Variants in DENND5B observed in about 807,000 individuals in gnomAD.
DENND5B encodes the protein DENN domain-containing protein 5B.
A neutral mutation model predicts 140.6 loss-of-function variants in DENND5B; 34 were observed. The ratio of observed to expected loss-of-function variants is 0.24; its 90% CI spans 0.18 to 0.32. The LOEUF is 0.32. Among genes scored for constraint, DENND5B ranks in the 10% least tolerant of loss-of-function variants. The pLI is 1.00. For missense variants in DENND5B, 1,142 were observed against 1,560.2 expected, an observed-to-expected ratio of 0.73 and a Z score of 4.52; for synonymous variants, 551 against 562.1, an observed-to-expected ratio of 0.98 and a Z score of 0.28.
At chr12:31,471,576 T>C (rs1760346336) in intron 3 of DENND5B, among the ~76,000 whole-genome samples, 1 of 148,802 alleles carries the variant, frequency 6.7e-6, no homozygotes, top group Non-Finnish European at 1.5e-5. Context: ...AGTTTCACCA[T>C]GTTGGCCAGG....
chr12:31,533,648 G>C (rs1948375495), intron 1 of DENND5B, among the ~76,000 whole-genome samples: 1 of 152,216 alleles, frequency 6.6e-6, no homozygotes, highest in African/African-American at 2.4e-5. Context: ...AAAGCAGTTG[G>C]ATGGCAGATA....
At chr12:31,439,073 CTTG>C (rs952787834) in intron 7 of DENND5B, among the ~76,000 whole-genome samples, 5 of 152,222 alleles carry the variant, frequency 3.3e-5, no homozygotes, top group East Asian at 1.9e-4. Flanking sequence ...CATTCCTGGT[CTTG>C]TTAAGTAATT....
chr12:31,408,182 T>C (rs1254412876), intron 14 of DENND5B, among the ~76,000 whole-genome samples: 4 of 150,700 alleles, frequency 2.7e-5, no homozygotes, highest in Non-Finnish European at 5.9e-5. Flanking sequence ...TATATACAGA[T>C]GTGTGATTTG....
At chr12:31,489,531 T>C (rs564447047) in intron 2 of DENND5B, among the ~76,000 whole-genome samples, 1 of 152,278 alleles carries the variant, frequency 6.6e-6, no homozygotes, top group Admixed American at 6.5e-5. Flanking sequence ...GGTTTTGCAG[T>C]GGAGGTCACA....
At chr12:31,390,232 A>T (rs1941053645) in intron 19 of DENND5B, among the ~76,000 whole-genome samples, 1 of 152,256 alleles carries the variant, frequency 6.6e-6, no homozygotes, top group African/African-American at 2.4e-5. Flanking sequence ...TGTGATGATG[A>T]AAATGTTCTC....
chr12:31,422,942 C>CTT lies in DENND5B; in HGVS notation c.2470+653_2470+654dup, dbSNP rs369745344. Among the ~76,000 whole-genome samples the CTT allele has an allele frequency of 3.5e-4, 49 of 139,878 alleles. 1 individual carries two copies. The highest frequency in any genetic ancestry group is 1.1e-3 in the East Asian group (5 of 4,748). The allele number at this position is 139,878 out of a possible 152,430, so 91.8% of individuals were successfully genotyped here. A position where few individuals can be genotyped will look rare whatever the true frequency, so the allele number is the denominator to read the frequency against. ...AGATCATTAATGATGGTTATAAAAA[C>CTT]TTTTTTTTTTTTTTTTGAGATGGAG... is the stretch of plus-strand genomic sequence containing the variant. On this transcript the variant is annotated intron_variant, in intron 11 of 20. Coordinates refer to ENST00000389082, the MANE Select transcript of DENND5B (RefSeq NM_144973.4).
chr12:31,558,399 A>G (rs73299854), intron 1 of DENND5B, among the ~76,000 whole-genome samples: 17,057 of 152,162 alleles, frequency 0.11, 1,127 homozygotes, highest in East Asian at 0.25. Context: ...GAACAGCACA[A>G]TAAGAGAAAT....
intron 2 of DENND5B, among the ~76,000 whole-genome samples, chr12:31,491,886 G>A (rs1162182129): frequency 2.0e-5 from 3 of 152,208 alleles, no homozygotes; most frequent in African/African-American, 7.2e-5. Context: ...CACTACTGTT[G>A]TTAGAGGAAT....
chr12:31,421,942 T>C (rs1943043482), intron 11 of DENND5B, among the ~76,000 whole-genome samples: 1 of 152,120 alleles, frequency 6.6e-6, no homozygotes, highest in Non-Finnish European at 1.5e-5. Context: ...ATAAATATAG[T>C]TACAGCCAAG....
intron 1 of DENND5B, among the ~76,000 whole-genome samples, chr12:31,586,015 C>T (rs181932756): frequency 7.9e-5 from 12 of 152,248 alleles, no homozygotes; most frequent in African/African-American, 1.9e-4. Flanking sequence ...TAAGGTACTA[C>T]GAAAGAGGCA....
chr12:31,490,429 T>C (rs966062455), intron 2 of DENND5B, among the ~76,000 whole-genome samples: 3 of 151,984 alleles, frequency 2.0e-5, no homozygotes, highest in Non-Finnish European at 2.9e-5. Flanking sequence ...CTAAGCAACA[T>C]AGCCAAACCC....
chr12:31,562,740 A>G (rs1381618658), intron 1 of DENND5B, among the ~76,000 whole-genome samples: 1 of 152,224 alleles, frequency 6.6e-6, no homozygotes, highest in African/African-American at 2.4e-5. Flanking sequence ...AAAGCAACCA[A>G]TGACTAATTT....
At chr12:31,543,535 G>A (rs1273536478) in intron 1 of DENND5B, among the ~76,000 whole-genome samples, 1 of 152,002 alleles carries the variant, frequency 6.6e-6, no homozygotes, top group East Asian at 1.9e-4. Flanking sequence ...CTACCATTTT[G>A]AAAAAAGGTG....
rs181056470 is a variant in DENND5B at position 31,450,425 on chromosome 12, T to C, written c.1629+1515A>G. Reference sequence around the variant, plus strand: ...CCCAAGCTGGAGTGCAGTGGCATCATCTTGGCTCACTGCAGCCTCAACTTC... The same window carrying C: ...CCCAAGCTGGAGTGCAGTGGCATCACCTTGGCTCACTGCAGCCTCAACTTC... On this transcript the variant is annotated intron_variant, in intron 5 of 20. Transcript: ENST00000389082. 1.1e-3 allele frequency among the ~76,000 whole-genome samples: 173 copies of C among 152,322 alleles called. 1 individual carries two copies. Among genetic ancestry groups the C allele is most frequent in the African/African-American group, 4.1e-3 (171 of 41,580 alleles).
chr12:31,476,423 C>T (rs1220379144), intron 3 of DENND5B, among the ~76,000 whole-genome samples: 1 of 151,064 alleles, frequency 6.6e-6, no homozygotes, highest in Non-Finnish European at 1.5e-5. Context: ...GTCAATTATA[C>T]CCTAAGTATT....
At chr12:31,390,887 G>A (rs529336652) in intron 19 of DENND5B, among the ~76,000 whole-genome samples, 1 of 151,852 alleles carries the variant, frequency 6.6e-6, no homozygotes, top group South Asian at 2.1e-4. Flanking sequence ...GGGGTGTGGT[G>A]GCAGGTGTAA....
intron 1 of DENND5B, among the ~76,000 whole-genome samples, chr12:31,579,002 T>G (rs1950116936): frequency 6.6e-6 from 1 of 152,220 alleles, no homozygotes; most frequent in Non-Finnish European, 1.5e-5. Flanking sequence ...AGAATAAGGG[T>G]GACTTCCTGG....
intron 1 of DENND5B, among the ~76,000 whole-genome samples, chr12:31,543,357 T>G (rs1413414614): frequency 6.6e-6 from 1 of 152,224 alleles, no homozygotes; most frequent in Non-Finnish European, 1.5e-5. Flanking sequence ...CTTGCTTCTT[T>G]GACAGTACCT....
intron 2 of DENND5B, among the ~76,000 whole-genome samples, chr12:31,482,330 A>C (rs184308582): frequency 1.5e-3 from 224 of 152,294 alleles, no homozygotes; most frequent in Non-Finnish European, 2.9e-3. Context: ...CAATCCCATC[A>C]AGATGTCTAA....
Sources: gnomAD v4.1 joint callset for allele counts (sites outside exome capture counted in the v4.1 genomes callset) on GRCh38, gnomAD v4.1.1 for gene constraint, MANE v1.5 for transcripts, NCBI Gene and HGNC (gene_info 2026-07-23, HGNC 2026-07-21) for gene names.